ADD3: variants seen among roughly 807,000 people sequenced by gnomAD.
ADD3 encodes gamma-adducin.
A neutral mutation model predicts 80.2 loss-of-function variants in ADD3; 25 were observed. That is an observed-to-expected ratio of 0.31 (90% CI 0.23 to 0.44). The LOEUF is 0.44. Ranked by LOEUF, ADD3 falls within the 20% of genes least tolerant of loss-of-function variation. The probability of loss-of-function intolerance (pLI) is 1.00; values close to 1 mark genes in which losing one functional copy is unlikely to be tolerated. For synonymous variants in ADD3, 284 were observed against 289.6 expected, an observed-to-expected ratio of 0.98 and a Z score of 0.20; for missense variants, 829 against 847.5, an observed-to-expected ratio of 0.98 and a Z score of 0.27.
chr10:110,021,447 A>C (rs1490363346), intron 1 of ADD3, among the ~76,000 whole-genome samples: 2 of 152,266 alleles, frequency 1.3e-5, no homozygotes, highest in African/African-American at 2.4e-5. Flanking sequence ...ATAATAGCCC[A>C]AAAATGGAAA....
chr10:110,015,295 A>ATGGTGTAATAAAGTACACC (rs1345264605), intron 1 of ADD3, among the ~76,000 whole-genome samples: 1 of 152,164 alleles, frequency 6.6e-6, no homozygotes, highest in East Asian at 1.9e-4. Context: ...ACACATTATC[A>ATGGTGTAATAAAGTACACC]ATGAATTAGA....
In ADD3 at chr10:110,133,672, A is replaced by G. The variant is rs1186948133; in HGVS notation, c.*54A>G. ...ACAATGTGACATTGCACATCTAAAT[A>G]CCACATTTAAGTTGATCATTAATAT... On this transcript the variant is annotated 3_prime_UTR_variant, in exon 15 of 15. Coordinates refer to ENST00000356080, the MANE Select transcript of ADD3 (RefSeq NM_016824.5). 2 of 1,394,292 alleles carry G rather than the reference A, an allele frequency of 1.4e-6. No individual in the cohort carries two copies. The highest frequency in any genetic ancestry group is 2.0e-4 in the Middle Eastern group (1 of 5,118). The allele number at this position is 1,394,292 out of a possible 1,614,324, so 86.4% of individuals were successfully genotyped here.
intron 1 of ADD3, among the ~76,000 whole-genome samples, chr10:110,048,336 A>T (rs1236577171): frequency 6.6e-6 from 1 of 152,156 alleles, no homozygotes; most frequent in African/African-American, 2.4e-5. Context: ...AATACTGTAA[A>T]TTGGCACCAG....
At chr10:110,120,696 A>G (rs951151384) in intron 8 of ADD3, among the ~76,000 whole-genome samples, 6 of 152,302 alleles carry the variant, frequency 3.9e-5, no homozygotes, top group South Asian at 2.1e-4. Context: ...CGCCAAGTCA[A>G]TCCTAAGCCA....
intron 1 of ADD3, chr10:110,016,445 T>C (rs780785254): frequency 1.4e-4 from 22 of 152,260 alleles, no homozygotes; most frequent in Non-Finnish European, 2.5e-4. Flanking sequence ...TTGAGCCTTA[T>C]GTTAAAAACA....
chr10:110,049,056 T>C (rs191239891), intron 1 of ADD3, among the ~76,000 whole-genome samples: 6 of 152,298 alleles, frequency 3.9e-5, no homozygotes, highest in African/African-American at 1.2e-4. Flanking sequence ...TGTGTCCCAA[T>C]CACTCTAGCC....
At chr10:110,116,120 A>G (rs1429714819) in intron 3 of ADD3, 139 bp from the exon 4 acceptor site, 4 of 740,328 alleles carry the variant, frequency 5.4e-6, no homozygotes, top group Non-Finnish European at 8.7e-6. Flanking sequence ...AGCTAATAAA[A>G]TATTATATGG....
At chr10:110,130,733 G>A (rs76708298) in intron 13 of ADD3, among the ~76,000 whole-genome samples, 1,611 of 152,138 alleles carry the variant, frequency 0.011, 33 homozygotes, top group African/African-American at 0.038. Flanking sequence ...GTACACGCCT[G>A]TAGTCCTAGC....
intron 1 of ADD3, among the ~76,000 whole-genome samples, chr10:110,069,784 G>A (rs1466536050): frequency 6.6e-6 from 1 of 152,144 alleles, no homozygotes; most frequent in Non-Finnish European, 1.5e-5. Flanking sequence ...CTAAGTCATT[G>A]GTTAATGCAG....
intron 1 of ADD3, among the ~76,000 whole-genome samples, chr10:110,041,696 TATAAC>T (rs1311796507): frequency 1.4e-4 from 22 of 152,318 alleles, no homozygotes; most frequent in African/African-American, 4.8e-4. Context: ...ACTAAGCTGT[TATAAC>T]AGTAACCTTG....
intron 3 of ADD3, among the ~76,000 whole-genome samples, chr10:110,115,144 C>T (rs975020720): frequency 6.6e-6 from 1 of 150,864 alleles, no homozygotes; most frequent in African/African-American, 2.4e-5. Flanking sequence ...AATCCCAGCA[C>T]TCTGGGAGGC....
At chr10:110,036,084 G>A (rs1445323953) in intron 1 of ADD3, among the ~76,000 whole-genome samples, 3 of 151,998 alleles carry the variant, frequency 2.0e-5, no homozygotes, top group African/African-American at 7.3e-5. Flanking sequence ...TCGGGAGGCG[G>A]GGGTTACAGT....
intron 1 of ADD3, among the ~76,000 whole-genome samples, chr10:110,061,765 A>T (rs1331526688): frequency 1.3e-5 from 2 of 152,208 alleles, no homozygotes; most frequent in Non-Finnish European, 2.9e-5. Flanking sequence ...TTAGAATTGT[A>T]TGAAATCTTC....
At chr10:110,028,524 C>T (rs1429270220) in intron 1 of ADD3, among the ~76,000 whole-genome samples, 2 of 152,258 alleles carry the variant, frequency 1.3e-5, no homozygotes, top group South Asian at 4.1e-4. Flanking sequence ...GACATCATGC[C>T]ATTGCACTCC....
chr10:110,069,783 T>G (rs1263884666), intron 1 of ADD3, among the ~76,000 whole-genome samples: 1 of 152,224 alleles, frequency 6.6e-6, no homozygotes, highest in East Asian at 1.9e-4. Context: ...TCTAAGTCAT[T>G]GGTTAATGCA....
chr10:110,040,236 CTAG>C (rs1437708778), intron 1 of ADD3, among the ~76,000 whole-genome samples: 1 of 151,518 alleles, frequency 6.6e-6, no homozygotes, highest in African/African-American at 2.4e-5. Flanking sequence ...TTAGACATTG[CTAG>C]TTTGAATGAG....
rs1479359305 is a variant in ADD3 at position 110,134,021 on chromosome 10, G to A, written c.*403G>A. ...ATTATAATTTTTTATCATGATTATT[G>A]ACTATATTTTTGGAGTCCCATTGTT... On this transcript the variant is annotated 3_prime_UTR_variant, in exon 15 of 15. Transcript: ENST00000356080. 6.5e-6 allele frequency: 1 copy of A among 153,532 alleles called. No individual in the cohort carries two copies. The highest frequency in any genetic ancestry group is 1.5e-5 in the Non-Finnish European group (1 of 68,804). The allele number at this position is 153,532 out of a possible 1,614,324, so 9.5% of individuals were successfully genotyped here.
intron 1 of ADD3, among the ~76,000 whole-genome samples, chr10:110,038,834 A>G (rs1225967086): frequency 6.6e-6 from 1 of 152,254 alleles, no homozygotes; most frequent in African/African-American, 2.4e-5. Context: ...TAGTAACTAC[A>G]CACATTATAC....
intron 1 of ADD3, among the ~76,000 whole-genome samples, chr10:110,019,053 G>A (rs1306270166): frequency 2.0e-5 from 3 of 152,150 alleles, no homozygotes; most frequent in Admixed American, 6.5e-5. Flanking sequence ...AGAGATGTAC[G>A]ATTTTAAAAA....
Sources: allele counts gnomAD v4.1 joint callset (sites outside exome capture counted in the v4.1 genomes callset), GRCh38; gene constraint gnomAD v4.1.1; transcripts MANE v1.5; gene names NCBI Gene and HGNC (gene_info 2026-07-23, HGNC 2026-07-21).